Variants in MYO5A observed in about 807,000 individuals in gnomAD.
MYO5A encodes myosin VA.
A neutral mutation model predicts 249.7 loss-of-function variants in MYO5A; 98 were observed. The ratio of observed to expected loss-of-function variants is 0.39; its 90% CI spans 0.33 to 0.46. The LOEUF is 0.46. Among genes scored for constraint, MYO5A ranks in the 20% least tolerant of loss-of-function variants. MYO5A has a pLI of 0.98. For missense variants in MYO5A, 1,696 were observed against 2,308.8 expected (o/e 0.73, Z 5.44); for synonymous variants, 778 against 810.6 (o/e 0.96, Z 0.68).
chr15:52,374,069 T>C (rs974918199), intron 20 of MYO5A, among the ~76,000 whole-genome samples: 1 of 152,164 alleles, frequency 6.6e-6, no homozygotes, highest in African/African-American at 2.4e-5. Flanking sequence ...GTGATGTCCA[T>C]AGAGCTCTAA....
intron 1 of MYO5A, among the ~76,000 whole-genome samples, chr15:52,445,303 G>T (rs1355044754): frequency 2.0e-5 from 3 of 152,070 alleles, no homozygotes. Flanking sequence ...CATGTGATGT[G>T]TCTGCTCCTG....
intron 30 of MYO5A, among the ~76,000 whole-genome samples, chr15:52,344,587 A>T (rs2141000685): frequency 6.6e-6 from 1 of 152,306 alleles, no homozygotes; most frequent in South Asian, 2.1e-4. Context: ...AAGTCACCAT[A>T]ATCACTGGGT....
chr15:52,337,263 T>TA (rs1298446594), intron 33 of MYO5A, among the ~76,000 whole-genome samples: 1 of 151,784 alleles, frequency 6.6e-6, no homozygotes, highest in Non-Finnish European at 1.5e-5. Flanking sequence ...AGGAGGAAGG[T>TA]AAAAAAAAGT....
At chr15:52,486,834 G>A (rs1483327676) in intron 1 of MYO5A, among the ~76,000 whole-genome samples, 1 of 152,142 alleles carries the variant, frequency 6.6e-6, no homozygotes, top group African/African-American at 2.4e-5. Context: ...AATCATCAAA[G>A]GCTTACAACT....
intron 14 of MYO5A, among the ~76,000 whole-genome samples, chr15:52,387,481 G>A (rs528782946): frequency 6.0e-4 from 92 of 152,224 alleles, no homozygotes; most frequent in South Asian, 5.8e-3. Flanking sequence ...AACCACTGTG[G>A]AGGCAATAAT....
In MYO5A at chr15:52,459,647, A is replaced by G. The variant is rs577910217; in HGVS notation, c.28-26362T>C. ...CCCTTTTCTATTCGACAAAACCGCC[A>G]TTGTCATCACGGCCCGCTCTCAATG... On this transcript the variant is annotated intron_variant, in intron 1 of 41. Coordinates refer to ENST00000399233, the MANE Select transcript of MYO5A (RefSeq NM_001382347.1). 5.7e-3 allele frequency among the ~76,000 whole-genome samples: 865 copies of G among 152,274 alleles called. 7 individuals carry two copies. The highest frequency in any genetic ancestry group is 0.02 in the African/African-American group (825 of 41,564).
chr15:52,527,090 C>G (rs1302494876), intron 1 of MYO5A, among the ~76,000 whole-genome samples: 1 of 152,202 alleles, frequency 6.6e-6, no homozygotes, highest in African/African-American at 2.4e-5. Context: ...GGGGCACATT[C>G]AAAGCCGTCC....
At chr15:52,377,811 T>G (rs191724711) in intron 18 of MYO5A, among the ~76,000 whole-genome samples, 1 of 151,724 alleles carries the variant, frequency 6.6e-6, no homozygotes, top group East Asian at 2.0e-4. Flanking sequence ...CCTCAAGCAG[T>G]CCGCCCGCCA....
chr15:52,340,583 T>C (rs1479065680), intron 31 of MYO5A, among the ~76,000 whole-genome samples, 189 bp from the exon 32 acceptor site: 3 of 152,190 alleles, frequency 2.0e-5, no homozygotes, highest in Admixed American at 6.5e-5. Context: ...TGCTCTCACA[T>C]TTGTGTCTTT....
chr15:52,370,776 T>C (rs1305730712), intron 21 of MYO5A, among the ~76,000 whole-genome samples: 1 of 152,146 alleles, frequency 6.6e-6, no homozygotes, highest in Non-Finnish European at 1.5e-5. Flanking sequence ...CTAAAAACCA[T>C]TTACTAGCTT....
intron 28 of MYO5A, among the ~76,000 whole-genome samples, chr15:52,349,934 A>G (rs2039854998): frequency 6.6e-6 from 1 of 152,076 alleles, no homozygotes; most frequent in Non-Finnish European, 1.5e-5. Flanking sequence ...GATTATGATT[A>G]TGATTATGAT....
At chr15:52,330,070 A>T (rs1314557323) in intron 35 of MYO5A, among the ~76,000 whole-genome samples, 2 of 150,660 alleles carry the variant, frequency 1.3e-5, no homozygotes, top group Non-Finnish European at 2.9e-5. Context: ...AGGGAGAGAG[A>T]TACATCAGTA....
chr15:52,356,133 C>G (rs2040206675), intron 25 of MYO5A, among the ~76,000 whole-genome samples: 1 of 152,068 alleles, frequency 6.6e-6, no homozygotes, highest in Non-Finnish European at 1.5e-5. Flanking sequence ...TAAAGAGTCC[C>G]TTTGTTAGAG....
At chr15:52,342,425 G>A (rs1243462599) in intron 31 of MYO5A, among the ~76,000 whole-genome samples, 1 of 152,130 alleles carries the variant, frequency 6.6e-6, no homozygotes, top group African/African-American at 2.4e-5. Flanking sequence ...TCTATCTATA[G>A]GATATGAGAA....
At chr15:52,372,480 T>C in intron 20 of MYO5A, 117 bp from the exon 21 acceptor site, 2 of 1,343,526 alleles carry the variant, frequency 1.5e-6, no homozygotes, top group Non-Finnish European at 2.1e-6. Flanking sequence ...AAAAGTTGAA[T>C]TGACAATGTA....
At chr15:52,348,948 G>A in intron 28 of MYO5A, 122 bp from the exon 29 acceptor site, 1 of 1,062,296 alleles carries the variant, frequency 9.4e-7, no homozygotes, top group Non-Finnish European at 1.4e-6. Context: ...AAACAGCCAT[G>A]AGTTGTTTCT....
At chr15:52,326,557 G>A (rs993493188) in intron 36 of MYO5A, among the ~76,000 whole-genome samples, 5 of 152,190 alleles carry the variant, frequency 3.3e-5, no homozygotes, top group Admixed American at 3.3e-4. Flanking sequence ...GAGGGAGGGA[G>A]GAATGGGGAG....
intron 1 of MYO5A, among the ~76,000 whole-genome samples, chr15:52,491,081 G>C (rs910263864): frequency 6.6e-6 from 1 of 152,154 alleles, no homozygotes; most frequent in African/African-American, 2.4e-5. Flanking sequence ...ACATGGTTAA[G>C]ATGGTTAACT....
At chr15:52,402,374 T>A (rs1166566590) in intron 9 of MYO5A, among the ~76,000 whole-genome samples, 1 of 152,178 alleles carries the variant, frequency 6.6e-6, no homozygotes, top group Non-Finnish European at 1.5e-5. Context: ...AGCTCCCCAC[T>A]TAGGGTCTCA....
Sources: gnomAD v4.1 joint callset for allele counts (sites outside exome capture counted in the v4.1 genomes callset) on GRCh38, gnomAD v4.1.1 for gene constraint, MANE v1.5 for transcripts, NCBI Gene and HGNC (gene_info 2026-07-23, HGNC 2026-07-21) for gene names.